The following CPQ variants were observed in gnomAD, a reference collection of about 807,000 sequenced individuals.
The protein encoded by CPQ is Ser-Met dipeptidase.
Under a neutral mutation model 45.7 loss-of-function variants are expected in CPQ, and 37 were observed. That is an observed-to-expected ratio of 0.81 (90% CI 0.62 to 1.07). CPQ has a LOEUF of 1.07. Among genes scored for constraint, CPQ ranks in the 50% least tolerant of loss-of-function variants. CPQ has a pLI of 0.00. For synonymous variants in CPQ, 186 were observed against 205.8 expected, an observed-to-expected ratio of 0.90 and a Z score of 0.82; for missense variants, 537 against 572.9, an observed-to-expected ratio of 0.94 and a Z score of 0.64.
At chr8:96,975,105 T>C (rs899641238) in intron 5 of CPQ, among the ~76,000 whole-genome samples, 7 of 151,322 alleles carry the variant, frequency 4.6e-5, no homozygotes, top group Non-Finnish European at 7.4e-5. Context: ...ACCAACGAGA[T>C]TAACCAAGAA....
intron 3 of CPQ, among the ~76,000 whole-genome samples, chr8:96,853,539 CAG>C (rs904190528): frequency 4.9e-4 from 74 of 151,148 alleles, no homozygotes; most frequent in African/African-American, 1.4e-3. Flanking sequence ...ACAAACAAAG[CAG>C]ATGTTTATAA....
At chr8:96,710,801 T>A (rs1809597448) in intron 1 of CPQ, among the ~76,000 whole-genome samples, 1 of 152,228 alleles carries the variant, frequency 6.6e-6, no homozygotes, top group African/African-American at 2.4e-5. Flanking sequence ...CATGTGTTAA[T>A]GAGAAGAATG....
At chr8:97,033,383 T>C (rs1409433187) in intron 6 of CPQ, among the ~76,000 whole-genome samples, 1 of 152,190 alleles carries the variant, frequency 6.6e-6, no homozygotes, top group African/African-American at 2.4e-5. Flanking sequence ...ACAGAGATTG[T>C]ATGTGGCCCA....
In CPQ at chr8:96,655,838, G is replaced by A. The variant is rs73275696; in HGVS notation, c.-35+10436G>A. On this transcript the variant is annotated intron_variant, in intron 1 of 7. Coordinates refer to ENST00000220763, the MANE Select transcript of CPQ (RefSeq NM_016134.4). ...GTTGAACCATCATAAATTGGGGACCGTCTATATTTGTAATCCTTGTGTTCT... is the reference window on the plus strand; with the variant it reads ...GTTGAACCATCATAAATTGGGGACCATCTATATTTGTAATCCTTGTGTTCT... Among the ~76,000 whole-genome samples the A allele has an allele frequency of 7.8e-3, 1,181 of 152,224 alleles. 14 individuals are homozygous for A. Among genetic ancestry groups the A allele is most frequent in the African/African-American group, 0.026 (1,083 of 41,524 alleles).
intron 5 of CPQ, among the ~76,000 whole-genome samples, chr8:96,991,311 C>A (rs1809088521): frequency 6.6e-6 from 1 of 152,130 alleles, no homozygotes; most frequent in Non-Finnish European, 1.5e-5. Context: ...ATCCCCCCTA[C>A]TTTGGGAGAC....
chr8:97,118,893 C>T (rs1473429074), intron 7 of CPQ, among the ~76,000 whole-genome samples: 5 of 152,070 alleles, frequency 3.3e-5, no homozygotes, highest in Non-Finnish European at 7.3e-5. Context: ...GTCCTCATGA[C>T]CAGCCATGCT....
At chr8:96,705,335 T>C (rs1275069425) in intron 1 of CPQ, among the ~76,000 whole-genome samples, 1 of 152,224 alleles carries the variant, frequency 6.6e-6, no homozygotes, top group African/African-American at 2.4e-5. Context: ...TCCAGCTTAA[T>C]AGGCATGAAA....
At chr8:96,973,223 C>A (rs1813711560) in intron 5 of CPQ, among the ~76,000 whole-genome samples, 1 of 151,786 alleles carries the variant, frequency 6.6e-6, no homozygotes, top group African/African-American at 2.4e-5. Flanking sequence ...ATGCAAAATG[C>A]ACTGGAAAGT....
chr8:96,663,776 GTCA>G (rs1004992079), intron 1 of CPQ, among the ~76,000 whole-genome samples: 7 of 152,070 alleles, frequency 4.6e-5, no homozygotes, highest in Non-Finnish European at 8.8e-5. Flanking sequence ...GTGTGTGTGT[GTCA>G]TCATCTCTGT....
intron 7 of CPQ, among the ~76,000 whole-genome samples, chr8:97,100,122 C>A (rs1700719949): frequency 6.6e-6 from 1 of 152,140 alleles, no homozygotes; most frequent in Non-Finnish European, 1.5e-5. Context: ...AAGTGGGAAC[C>A]CCAACTGGAA....
intron 5 of CPQ, among the ~76,000 whole-genome samples, chr8:97,018,896 A>G (rs2130451580): frequency 6.6e-6 from 1 of 152,334 alleles, no homozygotes. Context: ...TGGGAAATTC[A>G]TCACAAAAAG....
chr8:96,902,355 G>T (rs936907918), intron 4 of CPQ, among the ~76,000 whole-genome samples: 1 of 152,202 alleles, frequency 6.6e-6, no homozygotes, highest in East Asian at 1.9e-4. Flanking sequence ...CAAATAAATT[G>T]TCCGATGTTG....
At chr8:96,710,807 G>C (rs1433089984) in intron 1 of CPQ, among the ~76,000 whole-genome samples, 1 of 152,186 alleles carries the variant, frequency 6.6e-6, no homozygotes, top group Non-Finnish European at 1.5e-5. Context: ...TTAATGAGAA[G>C]AATGTATATT....
At chr8:96,801,365 T>A (rs535652139) in intron 2 of CPQ, among the ~76,000 whole-genome samples, 4 of 152,320 alleles carry the variant, frequency 2.6e-5, no homozygotes, top group African/African-American at 9.6e-5. Context: ...ACTTCAAGCA[T>A]AAAGGAGGCC....
chr8:96,816,632 T>G (rs1183137229), intron 2 of CPQ, among the ~76,000 whole-genome samples: 2 of 152,152 alleles, frequency 1.3e-5, no homozygotes, highest in Non-Finnish European at 2.9e-5. Context: ...GCCATAGCCT[T>G]ATGAAATGTA....
At chr8:96,706,662 A>G (rs1318114635) in intron 1 of CPQ, among the ~76,000 whole-genome samples, 1 of 152,178 alleles carries the variant, frequency 6.6e-6, no homozygotes, top group Admixed American at 6.6e-5. Flanking sequence ...TAAAATTTTG[A>G]ATAACATGAC....
chr8:97,038,975 T>C (rs1301441268), intron 6 of CPQ, among the ~76,000 whole-genome samples: 1 of 152,230 alleles, frequency 6.6e-6, no homozygotes, highest in Admixed American at 6.5e-5. Context: ...AAGAGATTTG[T>C]AGCACATAGT....
chr8:96,952,232 G>C (rs1813278790), intron 4 of CPQ, among the ~76,000 whole-genome samples: 1 of 152,074 alleles, frequency 6.6e-6, no homozygotes, highest in African/African-American at 2.4e-5. Context: ...GCATACAGAG[G>C]GATATGATTG....
At chr8:96,817,315 A>G (rs1205728672) in intron 2 of CPQ, among the ~76,000 whole-genome samples, 1 of 152,150 alleles carries the variant, frequency 6.6e-6, no homozygotes, top group African/African-American at 2.4e-5. Context: ...GGTGCAGTTC[A>G]TGGTGCTCCA....
Sources: gnomAD v4.1 joint callset for allele counts (sites outside exome capture counted in the v4.1 genomes callset) on GRCh38, gnomAD v4.1.1 for gene constraint, MANE v1.5 for transcripts, NCBI Gene and HGNC (gene_info 2026-07-23, HGNC 2026-07-21) for gene names.